The following TRIM14 variants were observed in gnomAD, a reference collection of about 807,000 sequenced individuals.
TRIM14 encodes tripartite motif containing 14.
TRIM14 carries 28 observed loss-of-function variants against 44.5 expected under a neutral mutation model. The ratio of observed to expected loss-of-function variants is 0.63; its 90% CI spans 0.47 to 0.86. The LOEUF is 0.86. TRIM14 is among the 40% of genes least tolerant of loss of function. The pLI, the probability that TRIM14 is intolerant of heterozygous loss-of-function variation, is 0.00. For missense variants in TRIM14, 607 were observed against 611.1 expected (o/e 0.99, Z 0.07); for synonymous variants, 299 against 269.2 (o/e 1.11, Z -1.08).
chr9:98,041,831 T>G, the TRIM14 span, among the ~76,000 whole-genome samples: 1 of 151,286 alleles, frequency 6.6e-6, no homozygotes, highest in Non-Finnish European at 1.5e-5. Context: ...TACAGGAGTC[T>G]GCCACCACAC....
At chr9:98,081,265 T>TAGC, downstream of TRIM14, 1 of 753,840 alleles carries the variant, frequency 1.3e-6, no homozygotes. Flanking sequence ...CTCTGGCCTG[T>TAGC]AGCAGCAGCA....
the TRIM14 span, among the ~76,000 whole-genome samples, chr9:98,041,942 C>T: frequency 6.6e-6 from 1 of 151,592 alleles, no homozygotes; most frequent in Non-Finnish European, 1.5e-5. Context: ...CTTGGCCTCC[C>T]GAAGTGTTAG....
At chr9:98,093,995 C>T (rs898963946) in intron 4 of TRIM14, among the ~76,000 whole-genome samples, 1 of 152,278 alleles carries the variant, frequency 6.6e-6, no homozygotes. Context: ...CCACCCACCT[C>T]GGCCTCCCAA....
At chr9:98,096,573 T>A (rs748064504) in intron 3 of TRIM14, among the ~76,000 whole-genome samples, 4 of 152,202 alleles carry the variant, frequency 2.6e-5, no homozygotes, top group Non-Finnish European at 5.9e-5. Flanking sequence ...GCACAGCCAC[T>A]TTTTTGCCTT....
At chr9:98,056,300 A>G in the TRIM14 span, among the ~76,000 whole-genome samples, 4 of 152,144 alleles carry the variant, frequency 2.6e-5, no homozygotes, top group South Asian at 8.3e-4. Flanking sequence ...AAGACTGAGT[A>G]ACGTATATAT....
chr9:98,107,807 T>C (rs189323102), intron 2 of TRIM14, among the ~76,000 whole-genome samples: 1 of 151,160 alleles, frequency 6.6e-6, no homozygotes, highest in African/African-American at 2.4e-5. Context: ...GCTTGGATTA[T>C]AGGCGCCACC....
intron 4 of TRIM14, 96 bp from the exon 5 acceptor site, chr9:98,092,097 C>G: frequency 1.1e-6 from 1 of 918,482 alleles, no homozygotes; most frequent in Admixed American, 2.6e-5. Context: ...TTCGCATAAT[C>G]TCGCCCAAGA....
chr9:98,047,707 T>G, the TRIM14 span, among the ~76,000 whole-genome samples: 1 of 152,006 alleles, frequency 6.6e-6, no homozygotes, highest in East Asian at 1.9e-4. Flanking sequence ...CTAATGGCAA[T>G]TATGGGGGAA....
rs1827154362 is a variant in TRIM14 at position 98,119,045 on chromosome 9, C to G, written c.144G>C (p.Pro48=). ...RCRRCVCALC[P]VLGAHRGHPV... ...GGTGGCCACGGTGCGCGCCCAGCAC[C>G]GGGCAAAGCGCGCACACGCAGCGGC... Residue 48 remains proline (P), a synonymous_variant, in exon 1 of 6, where the codon CCG becomes CCC. Coordinates refer to ENST00000341469, the MANE Select transcript of TRIM14 (RefSeq NM_014788.4). 6.3e-7 allele frequency: 1 copy of G among 1,577,744 alleles called. No individual in the cohort carries two copies. The highest frequency in any genetic ancestry group is 1.4e-5 in the African/African-American group (1 of 72,038).
chr9:98,036,697 A>T, the TRIM14 span, among the ~76,000 whole-genome samples: 1 of 151,852 alleles, frequency 6.6e-6, no homozygotes, highest in Non-Finnish European at 1.5e-5. Context: ...CCAGCTACTC[A>T]GGAGGCTGAG....
At chr9:98,043,266 C>A in the TRIM14 span, among the ~76,000 whole-genome samples, 2 of 152,094 alleles carry the variant, frequency 1.3e-5, no homozygotes, top group East Asian at 1.9e-4. Context: ...CAACCTCCCC[C>A]TCCTGGGTTC....
At chr9:98,094,755 A>C in intron 4 of TRIM14, 112 bp downstream of exon 4, 1 of 1,320,566 alleles carries the variant, frequency 7.6e-7, no homozygotes, top group South Asian at 1.4e-5. Context: ...CGCCCAGCCA[A>C]GGGCCTCAGT....
downstream of TRIM14, among the ~76,000 whole-genome samples, chr9:98,083,342 T>C (rs1185658724): frequency 2.0e-5 from 3 of 152,204 alleles, no homozygotes; most frequent in Non-Finnish European, 4.4e-5. Context: ...ACAAAGTCCA[T>C]ATCCTCCAGT....
At position 98,087,123 on chromosome 9, in the gene TRIM14, C is replaced by T. The variant is rs138555408; in HGVS notation, c.*347G>A. On this transcript the variant is annotated 3_prime_UTR_variant, in exon 6 of 6. Transcript: ENST00000341469. ...CTATGTGTCAGGTTCCTGTGCTGTA[C>T]GAGGGAGAAGGTTCCCAGGCTGCGG... is the stretch of plus-strand genomic sequence containing the variant. The T allele has an allele frequency of 4.0e-5, 22 of 543,772 alleles. No individual in the cohort carries two copies. The highest frequency in any genetic ancestry group is 3.6e-4 in the African/African-American group (19 of 52,938). The allele number at this position is 543,772 out of a possible 1,614,324, so 33.7% of individuals were successfully genotyped here. A position where few individuals can be genotyped will look rare whatever the true frequency, so the allele number is the denominator to read the frequency against.
Position 98,099,024 on chromosome 9 carries a change from G to A in TRIM14, c.537+907C>T, listed in dbSNP as rs142100362. On this transcript the variant is annotated intron_variant, in intron 3 of 5. Transcript: ENST00000341469. ...TGGCCTCAAGTGATCTGCCACAGGG[G>A]CTATTTCTTAGACTCTTCCTCAACA... Among the ~76,000 whole-genome samples, 1,196 of 152,190 alleles carry A rather than the reference G, an allele frequency of 7.9e-3. 13 individuals carry two copies. Among genetic ancestry groups the A allele is most frequent in the African/African-American group, 0.027 (1,128 of 41,516 alleles).
intron 1 of TRIM14, among the ~76,000 whole-genome samples, chr9:98,117,352 C>T (rs1489782535): frequency 1.3e-5 from 2 of 151,926 alleles, no homozygotes; most frequent in African/African-American, 2.4e-5. Context: ...GGCTGGAGTG[C>T]GGTGGCGTGA....
chr9:98,087,722 G>T lies in TRIM14; in HGVS notation c.1077C>A (p.Arg359=). Residue 359 remains arginine, a synonymous_variant, in exon 6 of 6, where the codon CGC becomes CGA. Transcript: ENST00000341469. ...ASAAARLGCN[R]QSWCLKRYDL... is the part of the protein sequence containing the mutation. Reference sequence around the variant, plus strand: ...CGTAGCGCTTGAGGCACCAGGACTGGCGGTTGCAGCCCAGGCGGGCGGCGG... The same window carrying T: ...CGTAGCGCTTGAGGCACCAGGACTGTCGGTTGCAGCCCAGGCGGGCGGCGG... 1.3e-6 allele frequency: 2 copies of T among 1,592,282 alleles called. No homozygotes were observed. Among genetic ancestry groups the T allele is most frequent in the East Asian group, 4.5e-5 (2 of 44,394 alleles).
intron 1 of TRIM14, among the ~76,000 whole-genome samples, chr9:98,117,667 A>G (rs1473704523): frequency 6.6e-6 from 1 of 152,198 alleles, no homozygotes. Context: ...TTAAAAACTT[A>G]TATGTAACTG....
rs192611357 is a variant in TRIM14 at position 98,107,887 on chromosome 9, C to T, written c.303+2002G>A. Among the ~76,000 whole-genome samples the T allele has an allele frequency of 2.6e-3, 400 of 151,956 alleles. 2 individuals carry two copies. The highest frequency in any genetic ancestry group is 9.1e-3 in the African/African-American group (378 of 41,422). ...TTCAACATGATGGCCAGGCTGGTCT[C>T]GAACTCCTGACCTCAAATGATCTGC... On this transcript the variant is annotated intron_variant, in intron 2 of 5. Transcript: ENST00000341469.
Sources: gnomAD v4.1 joint callset for allele counts (sites outside exome capture counted in the v4.1 genomes callset) on GRCh38, gnomAD v4.1.1 for gene constraint, MANE v1.5 for transcripts, NCBI Gene and HGNC (gene_info 2026-07-23, HGNC 2026-07-21) for gene names.